The following SIPA1L2 variants were observed in gnomAD, a reference collection of about 807,000 sequenced individuals.
SIPA1L2 encodes signal induced proliferation associated 1 like 2.
In SIPA1L2, 56 loss-of-function variants were observed where a neutral mutation model predicts 163.9. The ratio of observed to expected loss-of-function variants is 0.34; its 90% CI spans 0.28 to 0.43. The LOEUF is 0.43. Among genes scored for constraint, SIPA1L2 ranks in the 20% least tolerant of loss-of-function variants. The pLI, the probability that SIPA1L2 is intolerant of heterozygous loss-of-function variation, is 1.00. For synonymous variants in SIPA1L2, 877 were observed against 865.7 expected (o/e 1.01, Z -0.23); for missense variants, 1,974 against 2,193.5 (o/e 0.90, Z 2.00).
At chr1:232,476,324 ACCTCCACGAGGCGTCAGGTACCCCTT>A (rs1451849800) in intron 7 of SIPA1L2, among the ~76,000 whole-genome samples, 5 of 152,018 alleles carry the variant, frequency 3.3e-5, no homozygotes, top group African/African-American at 1.2e-4. Context: ...CTCATTAGAT[ACCTCCACGAGGCGTCAGGTACCCCTT>A]CCCAACACAG....
chr1:232,425,941 T>C (rs1006650221), intron 17 of SIPA1L2, 133 bp from the exon 18 acceptor site: 14 of 772,636 alleles, frequency 1.8e-5, no homozygotes, highest in Non-Finnish European at 2.9e-5. Flanking sequence ...AGCTCAAGAA[T>C]GCCAAACGCA....
intron 1 of SIPA1L2, among the ~76,000 whole-genome samples, chr1:232,587,394 C>A (rs1281702371): frequency 6.6e-6 from 1 of 152,140 alleles, no homozygotes; most frequent in African/African-American, 2.4e-5. Context: ...CTAGTTCTGT[C>A]TCATTTAGCA....
At position 232,439,349 on chromosome 1, in the gene SIPA1L2, C is replaced by T. The variant is rs532670311; in HGVS notation, c.3790G>A (p.Asp1264Asn). ...CAGGGGGCCGTGTCGATGCCACTGT[C>T]GGTGGAGGCCCCTTTGATGTAGGTC... ...GLTYIKGAST[D>N]SGIDTAPCMP... is the part of the protein sequence containing the mutation. Residue 1264 changes from aspartate (D) to asparagine (N), a missense_variant, in exon 15 of 23, where the codon GAC becomes AAC. By Grantham distance (23) the Asp-to-Asn change is conservative (BLOSUM62 1). This residue lies in a region of SIPA1L2 where 1,079 missense variants were observed against 1,150.7 expected (regional missense o/e 0.94). Transcript: ENST00000674635. 14 of 1,614,184 alleles carry T rather than the reference C, an allele frequency of 8.7e-6. No individual in the cohort carries two copies. The East Asian group carries it at 1.6e-4, about 18-fold the overall frequency.
intron 3 of SIPA1L2, among the ~76,000 whole-genome samples, chr1:232,501,941 CT>C (rs34776739): frequency 0.41 from 61,888 of 152,092 alleles, 14,122 homozygotes; most frequent in East Asian, 0.85. Flanking sequence ...CTCCCTGGAG[CT>C]TTTTTACTTT....
chr1:232,525,895 G>A (rs1385518948), intron 2 of SIPA1L2, among the ~76,000 whole-genome samples: 5 of 152,166 alleles, frequency 3.3e-5, no homozygotes, highest in African/African-American at 1.2e-4. Flanking sequence ...AGGCAGGGTG[G>A]AGCGATTTAC....
chr1:232,469,988 T>C (rs563010861), intron 8 of SIPA1L2, among the ~76,000 whole-genome samples: 6 of 152,182 alleles, frequency 3.9e-5, no homozygotes, highest in Admixed American at 3.9e-4. Context: ...GTACTCCATT[T>C]GACCTAAAAA....
At chr1:232,524,175 A>C (rs1011911086) in intron 2 of SIPA1L2, among the ~76,000 whole-genome samples, 1 of 152,244 alleles carries the variant, frequency 6.6e-6, no homozygotes, top group South Asian at 2.1e-4. Flanking sequence ...AGGGCACTGT[A>C]CTGGATGCTG....
At chr1:232,459,656 G>A (rs557726684) in intron 10 of SIPA1L2, among the ~76,000 whole-genome samples, 2 of 151,840 alleles carry the variant, frequency 1.3e-5, no homozygotes, top group Non-Finnish European at 2.9e-5. Flanking sequence ...GGGACTACAG[G>A]TGCACACTAC....
At chr1:232,613,066 C>G (rs1364549454) in intron 1 of SIPA1L2, among the ~76,000 whole-genome samples, 1 of 152,178 alleles carries the variant, frequency 6.6e-6, no homozygotes, top group African/African-American at 2.4e-5. Flanking sequence ...ACATCTTCCT[C>G]ATTTTCCCTT....
At chr1:232,426,891 G>A (rs1661937419) in intron 17 of SIPA1L2, among the ~76,000 whole-genome samples, 1 of 152,082 alleles carries the variant, frequency 6.6e-6, no homozygotes, top group South Asian at 2.1e-4. Flanking sequence ...ATCCTTTTAG[G>A]TAAACAATAG....
Position 232,461,034 on chromosome 1 carries a change from G to C in SIPA1L2, c.2948C>G (p.Ala983Gly). ...GAGGCGGCTCCCTTGGCGAAGGCCA[G>C]CCTTCCAGGCAAAGCCAAAAGGTTC... ...DVEPFGFAWK[A>G]GLRQGSRLVE... The change falls in exon 10 of 23, where the codon GCT becomes GGT. Residue 983 changes from alanine (A) to glycine (G), a missense_variant. Ala to Gly is a moderately conservative substitution (Grantham distance 60). Coordinates refer to ENST00000674635, the MANE Select transcript of SIPA1L2 (RefSeq NM_020808.5). The C allele has an allele frequency of 6.2e-7, 1 of 1,614,300 alleles. No individual in the cohort carries two copies. Among genetic ancestry groups the C allele is most frequent in the East Asian group, 2.2e-5 (1 of 44,884 alleles).
chr1:232,413,435 T>C (rs1274812228), intron 19 of SIPA1L2, among the ~76,000 whole-genome samples: 2 of 152,234 alleles, frequency 1.3e-5, no homozygotes, highest in Non-Finnish European at 2.9e-5. Flanking sequence ...GCAGTCATTC[T>C]GTTCTGAAGG....
At chr1:232,611,445 G>A (rs1379401722) in intron 1 of SIPA1L2, among the ~76,000 whole-genome samples, 1 of 152,190 alleles carries the variant, frequency 6.6e-6, no homozygotes, top group African/African-American at 2.4e-5. Context: ...GAACTTGCCT[G>A]AGACTCGTTG....
Position 232,515,132 on chromosome 1 carries a change from C to T in SIPA1L2, c.208G>A (p.Ala70Thr). 6.2e-7 allele frequency: 1 copy of T among 1,613,984 alleles called. No individual in the cohort carries two copies. Reference sequence around the variant, plus strand: ...GCTCTCACACCCATCTTGGGCACAGCTGGGGTACCATTAGCCGGACCACCA... The same window carrying T: ...GCTCTCACACCCATCTTGGGCACAGTTGGGGTACCATTAGCCGGACCACCA... ...GGGGPANGTP[A>T]VPKMGVRARV... is the part of the protein sequence containing the mutation. The change falls in exon 3 of 23, where the codon GCT (alanine) becomes ACT (threonine). Residue 70 changes from alanine to threonine, a missense_variant. By Grantham distance (58) the Ala-to-Thr change is moderately conservative. Around this residue, in one of 3 missense-constraint regions of SIPA1L2, gnomAD observed 607 missense variants for 624.0 expected, o/e 0.97. Transcript: ENST00000674635.
chr1:232,538,487 T>C (rs1175877003), intron 2 of SIPA1L2, among the ~76,000 whole-genome samples: 1 of 152,208 alleles, frequency 6.6e-6, no homozygotes, highest in Non-Finnish European at 1.5e-5. Flanking sequence ...TCACTCTGTA[T>C]GGCACCAGCT....
At position 232,421,703 on chromosome 1, in the gene SIPA1L2, T is replaced by C. The variant is rs1661585229; in HGVS notation, c.4630+3886A>G. ...CACAAAACCACCGAGGCTACACATG[T>C]GGTCTGAAGCAACATGTGCAAGTAT... is the stretch of plus-strand genomic sequence containing the variant. On this transcript the variant is annotated intron_variant, in intron 18 of 22. Transcript: ENST00000674635. 2.0e-5 allele frequency among the ~76,000 whole-genome samples: 3 copies of C among 152,284 alleles called. 1 individual carries two copies. In the South Asian group the frequency reaches 6.2e-4, roughly 32 times the overall value.
intron 2 of SIPA1L2, among the ~76,000 whole-genome samples, chr1:232,569,153 A>G (rs1659574914): frequency 6.6e-6 from 1 of 152,242 alleles, no homozygotes; most frequent in Non-Finnish European, 1.5e-5. Context: ...ACAGCTTTCT[A>G]AATTTGGCTG....
At chr1:232,461,849 C>T (rs1664253213) in intron 9 of SIPA1L2, among the ~76,000 whole-genome samples, 1 of 152,182 alleles carries the variant, frequency 6.6e-6, no homozygotes, top group Non-Finnish European at 1.5e-5. Context: ...TGAGGACAGA[C>T]AACTGCCTAT....
rs138183717 is a variant in SIPA1L2, at chr1:232,474,543, T to G, written c.2086-3015A>C. Among the ~76,000 whole-genome samples the G allele has an allele frequency of 6.0e-3, 909 of 152,330 alleles. 6 individuals are homozygous for G. Among genetic ancestry groups the G allele is most frequent in the Middle Eastern group, 0.024 (7 of 294 alleles). On this transcript the variant is annotated intron_variant, in intron 7 of 22. Transcript: ENST00000674635. ...AGATAGAAGGAGTATGTTCTAATTA[T>G]TCGACAGTACAGTAGGGAAACTGTC...
Sources: gnomAD v4.1 joint callset for allele counts (sites outside exome capture counted in the v4.1 genomes callset) on GRCh38, gnomAD v4.1.1 for gene constraint, gnomAD v4.1.1 regional missense constraint, MANE v1.5 for transcripts, NCBI Gene and HGNC (gene_info 2026-07-23, HGNC 2026-07-21) for gene names.